Variants in MAGI1 observed in about 807,000 individuals in gnomAD.
MAGI1 encodes membrane associated guanylate kinase, WW and PDZ domain containing 1.
MAGI1 carries 58 observed loss-of-function variants against 139.9 expected under a neutral mutation model. That is an observed-to-expected ratio of 0.41 (90% CI 0.34 to 0.52). MAGI1 has a LOEUF of 0.52. Among genes scored for constraint, MAGI1 ranks in the 20% least tolerant of loss-of-function variants. The probability of loss-of-function intolerance (pLI) is 0.12; values close to 1 mark genes in which losing one functional copy is unlikely to be tolerated. For synonymous variants in MAGI1, 812 were observed against 737.9 expected (o/e 1.10, Z -1.63); for missense variants, 1,874 against 1,901.6 (o/e 0.99, Z 0.27).
intron 1 of MAGI1, among the ~76,000 whole-genome samples, chr3:66,028,585 C>T (rs1301233887): frequency 6.6e-6 from 1 of 152,014 alleles, no homozygotes; most frequent in Non-Finnish European, 1.5e-5. Context: ...ATGAGAGGAC[C>T]ACAGAGTCCC....
chr3:65,730,715 C>G (rs2034096888), intron 1 of MAGI1, among the ~76,000 whole-genome samples: 2 of 152,166 alleles, frequency 1.3e-5, no homozygotes, highest in Non-Finnish European at 2.9e-5. Flanking sequence ...ATAAGGACAG[C>G]ACTGTAACCC....
chr3:65,385,935 T>C (rs1489727355), intron 14 of MAGI1, among the ~76,000 whole-genome samples: 1 of 152,170 alleles, frequency 6.6e-6, no homozygotes, highest in Admixed American at 6.5e-5. Context: ...CGTCTTTGAG[T>C]CACTCAAGCA....
intron 22 of MAGI1, chr3:65,360,875 C>T: frequency 8.3e-7 from 1 of 1,211,274 alleles, no homozygotes; most frequent in Non-Finnish European, 1.0e-6. Flanking sequence ...TTTGTGCTAA[C>T]AATTGGATCT....
rs544555927 is a variant in MAGI1 at position 66,038,186 on chromosome 3, A to C, written c.123T>G (p.Phe41Leu). 20 of 1,612,154 alleles carry C rather than the reference A, an allele frequency of 1.2e-5. No homozygotes were observed. The African/African-American group carries it at 2.5e-4, about 20-fold the overall frequency. Residue 41 changes from phenylalanine (F) to leucine (L), a missense_variant, in exon 1 of 23, where the codon TTT (phenylalanine) becomes TTG (leucine). By Grantham distance (22) the Phe-to-Leu change is conservative. Around this residue, in one of 5 missense-constraint regions of MAGI1, gnomAD observed 648 missense variants for 598.1 expected, o/e 1.08. Transcript: ENST00000402939. ...TVLGGAEHGEFPYVGAVAAVE... is the reference protein window; with the variant it reads ...TVLGGAEHGELPYVGAVAAVE... Reference sequence around the variant, plus strand: ...CCGCCGCCACCGCTCCGACGTACGGAAACTCCCCGTGCTCCGCGCCTCCCA... The same window carrying C: ...CCGCCGCCACCGCTCCGACGTACGGCAACTCCCCGTGCTCCGCGCCTCCCA...
chr3:65,890,992 T>C (rs2060721417), intron 1 of MAGI1, among the ~76,000 whole-genome samples: 1 of 152,064 alleles, frequency 6.6e-6, no homozygotes, highest in Admixed American at 6.6e-5. Context: ...GCAGGAGGAT[T>C]GCTTGAGGCC....
intron 2 of MAGI1, among the ~76,000 whole-genome samples, chr3:65,527,855 C>A (rs79898098): frequency 1.3e-5 from 2 of 151,286 alleles, no homozygotes; most frequent in Non-Finnish European, 2.9e-5. Flanking sequence ...GCAGAGGTTG[C>A]GAGATCATGC....
chr3:65,711,807 G>C (rs2031468050), intron 1 of MAGI1, among the ~76,000 whole-genome samples: 1 of 152,122 alleles, frequency 6.6e-6, no homozygotes, highest in African/African-American at 2.4e-5. Flanking sequence ...CCTTGATCTG[G>C]GACTTCTAGC....
chr3:65,516,374 T>C (rs1156538731), intron 2 of MAGI1, among the ~76,000 whole-genome samples: 4 of 152,016 alleles, frequency 2.6e-5, no homozygotes, highest in Non-Finnish European at 5.9e-5. Flanking sequence ...GAGATAGGGT[T>C]TCACCATGTT....
At chr3:65,476,746 C>G (rs1489334071) in intron 4 of MAGI1, among the ~76,000 whole-genome samples, 1 of 151,376 alleles carries the variant, frequency 6.6e-6, no homozygotes, top group Non-Finnish European at 1.5e-5. Context: ...ATTTGCTATT[C>G]TTATTTATCA....
At chr3:65,614,666 CCACT>C (rs2083281213) in intron 2 of MAGI1, among the ~76,000 whole-genome samples, 1 of 152,008 alleles carries the variant, frequency 6.6e-6, no homozygotes, top group African/African-American at 2.4e-5. Context: ...GTAATAACTA[CCACT>C]AGCATCATGG....
intron 18 of MAGI1, among the ~76,000 whole-genome samples, chr3:65,370,920 G>A (rs775588760): frequency 2.0e-5 from 3 of 152,230 alleles, no homozygotes; most frequent in Non-Finnish European, 4.4e-5. Context: ...GTCTCCACAA[G>A]TGCTGGGATT....
intron 2 of MAGI1, among the ~76,000 whole-genome samples, chr3:65,549,767 G>A (rs537035812): frequency 1.4e-4 from 22 of 152,130 alleles, no homozygotes; most frequent in Admixed American, 4.6e-4. Context: ...TTCTGGCCCT[G>A]GGTAGCCAGG....
chr3:65,794,221 T>A (rs146547615), intron 1 of MAGI1, among the ~76,000 whole-genome samples: 1 of 152,288 alleles, frequency 6.6e-6, no homozygotes, highest in Non-Finnish European at 1.5e-5. Context: ...AAACTTGTGC[T>A]CTGTGGAAAG....
In MAGI1 at chr3:65,622,651, C is replaced by A. The variant is rs114524077; in HGVS notation, c.314-563G>T. On this transcript the variant is annotated intron_variant, in intron 1 of 22. Coordinates refer to ENST00000402939, the MANE Select transcript of MAGI1 (RefSeq NM_001033057.2). Reference sequence around the variant, plus strand: ...CGATCTCAGCTCACGGTAACCTCCGCCTCACAGATTCAAGCGATTCTCCTG... The same window carrying A: ...CGATCTCAGCTCACGGTAACCTCCGACTCACAGATTCAAGCGATTCTCCTG... 6.2e-3 allele frequency among the ~76,000 whole-genome samples: 947 copies of A among 152,186 alleles called. 5 individuals carry two copies. Among genetic ancestry groups the A allele is most frequent in the African/African-American group, 0.022 (907 of 41,516 alleles).
intron 1 of MAGI1, among the ~76,000 whole-genome samples, chr3:65,939,349 G>C (rs921981594): frequency 1.6e-4 from 24 of 152,096 alleles, no homozygotes; most frequent in Admixed American, 1.6e-3. Flanking sequence ...TCACCAGCAA[G>C]ATCATTATTT....
chr3:66,032,690 G>A (rs776566053), intron 1 of MAGI1, among the ~76,000 whole-genome samples: 2 of 151,662 alleles, frequency 1.3e-5, no homozygotes, highest in Admixed American at 6.6e-5. Context: ...AGGCCAAGGC[G>A]GCAGGCAGAT....
At chr3:65,952,752 T>C (rs1490957110) in intron 1 of MAGI1, among the ~76,000 whole-genome samples, 3 of 152,186 alleles carry the variant, frequency 2.0e-5, no homozygotes, top group Non-Finnish European at 2.9e-5. Flanking sequence ...AGGTGGAGCT[T>C]GCAGTGAGCC....
chr3:65,509,373 C>G (rs1177302434), intron 2 of MAGI1, among the ~76,000 whole-genome samples: 1 of 152,162 alleles, frequency 6.6e-6, no homozygotes, highest in South Asian at 2.1e-4. Flanking sequence ...CGGGTGATTT[C>G]TGCGTTTCCA....
chr3:65,357,129 G>C lies in MAGI1; in HGVS notation c.3638C>G (p.Pro1213Arg), dbSNP rs115182995. The change falls in exon 23 of 23, where the codon CCC becomes CGC. Residue 1213 changes from proline (P) to arginine (R), a missense_variant. By Grantham distance (103) the Pro-to-Arg change is moderately radical. Coordinates refer to ENST00000402939, the MANE Select transcript of MAGI1 (RefSeq NM_001033057.2). ...GGCGGGGCCGTGGCGGTCGCTGCTG[G>C]GGTCTGCCAGGAAAATAAACGAGAG... The part of the protein sequence containing the change: ...RGDGSVPEYD[P>R]SSDRHGPATG... The C allele has an allele frequency of 2.5e-6, 4 of 1,604,422 alleles. No homozygotes were observed. The highest frequency in any genetic ancestry group is 1.3e-5 in the African/African-American group (1 of 74,736).
Sources: allele counts gnomAD v4.1 joint callset (sites outside exome capture counted in the v4.1 genomes callset), GRCh38; gene constraint gnomAD v4.1.1; regional missense constraint gnomAD v4.1.1; transcripts MANE v1.5; gene names NCBI Gene and HGNC (gene_info 2026-07-23, HGNC 2026-07-21).